Variants in CPNE4 observed in about 807,000 individuals in gnomAD.
CPNE4 encodes the protein copine-4.
A neutral mutation model predicts 67.9 loss-of-function variants in CPNE4; 25 were observed. The observed-to-expected ratio is 0.37, with a 90% CI of 0.27 to 0.51. The LOEUF is 0.51. CPNE4 is among the 20% of genes least tolerant of loss of function. The probability of loss-of-function intolerance (pLI) is 0.93; values close to 1 mark genes in which losing one functional copy is unlikely to be tolerated. For missense variants in CPNE4, 464 were observed against 690.8 expected, an observed-to-expected ratio of 0.67 and a Z score of 3.68; for synonymous variants, 242 against 244.9, an observed-to-expected ratio of 0.99 and a Z score of 0.11.
chr3:131,678,963 G>A (rs1387087472), intron 6 of CPNE4, among the ~76,000 whole-genome samples: 1 of 152,140 alleles, frequency 6.6e-6, no homozygotes, highest in Non-Finnish European at 1.5e-5. Flanking sequence ...AGTTAGGGAG[G>A]AGTCCCTCCA....
At chr3:131,725,803 A>G (rs1335298069) in intron 2 of CPNE4, among the ~76,000 whole-genome samples, 2 of 152,208 alleles carry the variant, frequency 1.3e-5, no homozygotes, top group Admixed American at 6.5e-5. Context: ...AACTTGGAAT[A>G]TCTGGCAACC....
At chr3:131,985,818 A>C (rs2073028006) in intron 1 of CPNE4, 1 of 154,088 alleles carries the variant, frequency 6.5e-6, no homozygotes, top group Non-Finnish European at 1.5e-5. Flanking sequence ...TACCTAGTCC[A>C]TGTACTGAGC....
chr3:131,812,072 G>A (rs138500124), intron 2 of CPNE4, among the ~76,000 whole-genome samples: 1 of 152,170 alleles, frequency 6.6e-6, no homozygotes, highest in African/African-American at 2.4e-5. Context: ...CTGCCTGCCT[G>A]TCTTCAGGTC....
chr3:131,844,821 C>G (rs544114682), intron 2 of CPNE4, among the ~76,000 whole-genome samples: 5 of 152,212 alleles, frequency 3.3e-5, no homozygotes, highest in African/African-American at 4.8e-5. Flanking sequence ...TTGCATCTTC[C>G]TTAGCCTCAA....
intron 2 of CPNE4, among the ~76,000 whole-genome samples, chr3:131,874,859 T>C (rs887696442): frequency 5.3e-5 from 8 of 151,926 alleles, no homozygotes; most frequent in Non-Finnish European, 8.8e-5. Context: ...AAAAGGAAAA[T>C]CACGTGTATA....
At chr3:131,886,739 G>A (rs1377373488) in intron 2 of CPNE4, among the ~76,000 whole-genome samples, 3 of 152,212 alleles carry the variant, frequency 2.0e-5, no homozygotes, top group Non-Finnish European at 4.4e-5. Context: ...TCATTTTGGA[G>A]CTTTAAGATG....
intron 1 of CPNE4, among the ~76,000 whole-genome samples, chr3:132,001,606 A>AAT (rs2073450445): frequency 6.6e-6 from 1 of 150,384 alleles, no homozygotes; most frequent in South Asian, 2.1e-4. Flanking sequence ...AAAGAAAGAA[A>AAT]GAAAGAAAGA....
intron 1 of CPNE4, among the ~76,000 whole-genome samples, chr3:131,917,173 C>A (rs1466240393): frequency 6.6e-6 from 1 of 152,182 alleles, no homozygotes; most frequent in Non-Finnish European, 1.5e-5. Context: ...TGGAGCAAAG[C>A]TCTCCTCAGA....
intron 1 of CPNE4, among the ~76,000 whole-genome samples, chr3:132,003,781 G>C (rs953417842): frequency 6.6e-6 from 1 of 152,150 alleles, no homozygotes; most frequent in East Asian, 1.9e-4. Context: ...TTGGGATCTG[G>C]GAAAGTAAAA....
chr3:131,792,663 G>GTATATATGTATATATATACACACGTGTA (rs1560322058), intron 2 of CPNE4, among the ~76,000 whole-genome samples: 12 of 48,076 alleles, frequency 2.5e-4, no homozygotes, highest in Admixed American at 5.9e-4. Flanking sequence ...ATACACACGT[G>GTATATATGTATATATATACACACGTGTA]TATATATACA....
chr3:131,842,476 T>G (rs976171577), intron 2 of CPNE4, among the ~76,000 whole-genome samples: 1 of 152,176 alleles, frequency 6.6e-6, no homozygotes, highest in African/African-American at 2.4e-5. Context: ...AAGTACCCAC[T>G]CTGAACCCAG....
At chr3:131,676,327 G>A (rs2080567825) in intron 6 of CPNE4, among the ~76,000 whole-genome samples, 1 of 151,930 alleles carries the variant, frequency 6.6e-6, no homozygotes, top group Non-Finnish European at 1.5e-5. Context: ...CCAAAGTCCT[G>A]GGATTACATG....
intron 15 of CPNE4, among the ~76,000 whole-genome samples, chr3:131,536,426 T>TTAA (rs1365191377): frequency 1.3e-5 from 2 of 152,206 alleles, no homozygotes; most frequent in Admixed American, 1.3e-4. Context: ...AGCCTCATTA[T>TTAA]TAACTATTAT....
chr3:131,646,589 T>G (rs1189438237), intron 7 of CPNE4, among the ~76,000 whole-genome samples: 1 of 151,880 alleles, frequency 6.6e-6, no homozygotes, highest in East Asian at 1.9e-4. Flanking sequence ...AAATAAAGAG[T>G]GTAATTGGAT....
Position 131,798,347 on chromosome 3 carries a change from A to T in CPNE4, c.181-74722T>A, listed in dbSNP as rs968220212. ...AAGATGTATGTGTGGAGATGCAGGCAATGCTCATTCAGTCACCACCAGGGG... is the reference window on the plus strand; with the variant it reads ...AAGATGTATGTGTGGAGATGCAGGCTATGCTCATTCAGTCACCACCAGGGG... On this transcript the variant is annotated intron_variant, in intron 2 of 15. Coordinates refer to ENST00000429747, the MANE Select transcript of CPNE4 (RefSeq NM_130808.3). Among the ~76,000 whole-genome samples the T allele has an allele frequency of 2.6e-5, 4 of 152,314 alleles. No homozygotes were observed. In the East Asian group the frequency reaches 7.7e-4, roughly 29 times the overall value.
At chr3:131,863,886 G>C (rs1275436084) in intron 2 of CPNE4, among the ~76,000 whole-genome samples, 1 of 152,152 alleles carries the variant, frequency 6.6e-6, no homozygotes, top group Non-Finnish European at 1.5e-5. Flanking sequence ...TTTTGTATAA[G>C]GTGTAAGGAA....
At chr3:132,015,812 A>G (rs1033361673) in intron 1 of CPNE4, among the ~76,000 whole-genome samples, 1 of 152,228 alleles carries the variant, frequency 6.6e-6, no homozygotes, top group Non-Finnish European at 1.5e-5. Flanking sequence ...AGAATCTTCA[A>G]CTTCTACAGC....
chr3:131,760,957 C>T (rs141053515), intron 2 of CPNE4, among the ~76,000 whole-genome samples: 13 of 152,064 alleles, frequency 8.5e-5, no homozygotes, highest in South Asian at 6.2e-4. Flanking sequence ...ATTTTCTTAG[C>T]GGCTGGATAA....
intron 6 of CPNE4, among the ~76,000 whole-genome samples, chr3:131,675,620 G>A (rs1319467714): frequency 6.6e-6 from 1 of 151,888 alleles, no homozygotes; most frequent in African/African-American, 2.4e-5. Flanking sequence ...TGTAAGTATA[G>A]TTACTCCTTC....
Sources: allele counts gnomAD v4.1 joint callset (sites outside exome capture counted in the v4.1 genomes callset), GRCh38; gene constraint gnomAD v4.1.1; transcripts MANE v1.5; gene names NCBI Gene and HGNC (gene_info 2026-07-23, HGNC 2026-07-21).